Variants in DMBT1 observed in about 807,000 individuals in gnomAD.
DMBT1 encodes scavenger receptor cysteine-rich domain-containing protein DMBT1.
A neutral mutation model predicts 252.9 loss-of-function variants in DMBT1; 198 were observed. The ratio of observed to expected loss-of-function variants is 0.78; its 90% confidence interval spans 0.70 to 0.88. The LOEUF (loss-of-function observed/expected upper bound fraction) is 0.88, where lower values mean the gene tolerates loss of function less well. Among genes scored for constraint, DMBT1 ranks in the 40% least tolerant of loss-of-function variants. The pLI, the probability that DMBT1 is intolerant of heterozygous loss-of-function variation, is 0.00. For missense variants in DMBT1, 2,432 were observed against 2,404.7 expected, an observed-to-expected ratio of 1.01 and a Z score of -0.24; for synonymous variants, 990 against 942.7, an observed-to-expected ratio of 1.05 and a Z score of -0.92.
At position 122,633,289 on chromosome 10, in the gene DMBT1, G is replaced by A. The variant is rs757528594; in HGVS notation, c.6496G>A (p.Asp2166Asn). The A allele has an allele frequency of 5.0e-6, 8 of 1,613,948 alleles. No individual in the cohort carries two copies. The East Asian group carries it at 1.6e-4, about 31-fold the overall frequency. Reference protein sequence around the residue: ...NYPNNAKCVWDIEVQNNYRVT... With the variant: ...NYPNNAKCVWNIEVQNNYRVT... Reference sequence around the variant, plus strand: ...TCCAAACAATGCCAAGTGTGTGTGGGACATTGAGGTGCAAAACAACTACCG... The same window carrying A: ...TCCAAACAATGCCAAGTGTGTGTGGAACATTGAGGTGCAAAACAACTACCG... The change falls in exon 52 of 56, where the codon GAC (aspartate) becomes AAC (asparagine). Residue 2166 changes from aspartate (D) to asparagine (N), a missense_variant. By Grantham distance (23) the Asp-to-Asn change is conservative. Around this residue, in one of 3 missense-constraint regions of DMBT1, gnomAD observed 1,162 missense variants for 1,169.0 expected, o/e 0.99. Transcript: ENST00000338354.
chr10:122,565,938 T>C (rs754576410), intron 1 of DMBT1, 29 bp from the exon 2 acceptor site: 2 of 1,612,594 alleles, frequency 1.2e-6, no homozygotes, highest in African/African-American at 1.3e-5. Context: ...CTAAACAGTG[T>C]TTCTAAGACG....
rs370834586 is a variant in DMBT1 at position 122,592,596 on chromosome 10, G to C, written c.2500+1G>C. ...GAAGATGCTGGTGTCATCTGCTCAGGTGGGCCTCCAAGACCTTGGGCTCCC... is the reference window on the plus strand; with the variant it reads ...GAAGATGCTGGTGTCATCTGCTCAGCTGGGCCTCCAAGACCTTGGGCTCCC... On this transcript the variant is annotated splice_donor_variant, in intron 20 of 55. Transcript: ENST00000338354. LOFTEE classifies it high-confidence loss of function. 114 of 1,588,490 alleles carry C rather than the reference G, an allele frequency of 7.2e-5. 6 individuals carry two copies. The African/African-American group carries it at 9.1e-4, about 13-fold the overall frequency.
intron 2 of DMBT1, among the ~76,000 whole-genome samples, chr10:122,568,109 G>A (rs1451624798): frequency 6.6e-6 from 1 of 152,182 alleles, no homozygotes; most frequent in Non-Finnish European, 1.5e-5. Flanking sequence ...ATGGCAGTGG[G>A]AACGACACGG....
At chr10:122,638,518 A>C (rs1843902179) in intron 54 of DMBT1, among the ~76,000 whole-genome samples, 1 of 152,198 alleles carries the variant, frequency 6.6e-6, no homozygotes, top group African/African-American at 2.4e-5. Context: ...CATAGCTCAC[A>C]GCAGACTTGA....
In DMBT1 at chr10:122,588,841, C is replaced by G. The variant is rs745864588; in HGVS notation, c.1784-103C>G. 11 of 1,549,702 alleles carry G rather than the reference C, an allele frequency of 7.1e-6. 1 individual carries two copies. Among genetic ancestry groups the G allele is most frequent in the Admixed American group, 5.1e-5 (3 of 58,412 alleles). ...GTCATCTTTAATCGTGACTGCCTGC[C>G]CAGGTGACTTTGGCCATTAGGAAGT... is the stretch of plus-strand genomic sequence containing the variant. On this transcript the variant is annotated intron_variant, in intron 16 of 55. Transcript: ENST00000338354.
At position 122,586,215 on chromosome 10, in the gene DMBT1, T is replaced by C. The variant is rs2097788016; in HGVS notation, c.1615T>C (p.Trp539Arg). ...NVVCRQLGCG[W>R]AMLAPGNARF... Reference sequence around the variant, plus strand: ...GGTCTGCAGGCAGCTGGGCTGTGGCTGGGCCATGTTGGCCCCAGGAAATGC... The same window carrying C: ...GGTCTGCAGGCAGCTGGGCTGTGGCCGGGCCATGTTGGCCCCAGGAAATGC... Residue 539 changes from tryptophan (W) to arginine (R), a missense_variant, in exon 16 of 56, where the codon TGG (tryptophan) becomes CGG (arginine). Physicochemically the swap from Trp to Arg is moderately radical, Grantham distance 101. Around this residue, in one of 3 missense-constraint regions of DMBT1, gnomAD observed 1,264 missense variants for 1,082.2 expected, o/e 1.17. Coordinates refer to ENST00000338354, the MANE Select transcript of DMBT1 (RefSeq NM_001377530.1). The C allele has an allele frequency of 4.4e-6, 7 of 1,588,960 alleles. No individual in the cohort carries two copies. The highest frequency in any genetic ancestry group is 1.7e-4 in the Middle Eastern group (1 of 6,034).
intron 2 of DMBT1, among the ~76,000 whole-genome samples, chr10:122,568,853 G>A (rs1393779796): frequency 1.3e-5 from 2 of 152,230 alleles, no homozygotes; most frequent in Non-Finnish European, 2.9e-5. Context: ...CCCCACAGCG[G>A]ATGGTACAAC....
chr10:122,623,864 A>T (rs1310382818), intron 44 of DMBT1, among the ~76,000 whole-genome samples: 1 of 152,208 alleles, frequency 6.6e-6, no homozygotes, highest in Admixed American at 6.5e-5. Context: ...TCCTTCATGG[A>T]GGCCTAACTC....
intron 45 of DMBT1, among the ~76,000 whole-genome samples, 163 bp from the exon 46 acceptor site, chr10:122,625,770 A>G (rs1462145175): frequency 6.6e-6 from 1 of 152,246 alleles, no homozygotes; most frequent in Admixed American, 6.5e-5. Flanking sequence ...GAGGTGCTAC[A>G]TACTCTAGAC....
chr10:122,592,843 GA>G (rs1282263337), intron 20 of DMBT1, among the ~76,000 whole-genome samples: 1 of 148,618 alleles, frequency 6.7e-6, no homozygotes, highest in African/African-American at 2.4e-5. Context: ...GGCAGTGCAA[GA>G]AAGAGGCCGA....
In DMBT1 at chr10:122,633,357, G is replaced by A. The variant is rs764467808; in HGVS notation, c.6548+16G>A. ...GAGATGTCCAGTAAGTGTGCGCCCA[G>A]AAGAATGCCTTGGGGCCCCACAGAC... On this transcript the variant is annotated intron_variant, in intron 52 of 55. Transcript: ENST00000338354. 1 of 1,613,408 alleles carries A rather than the reference G, an allele frequency of 6.2e-7. No homozygotes were observed. Among genetic ancestry groups the A allele is most frequent in the South Asian group, 1.1e-5 (1 of 90,936 alleles).
intron 18 of DMBT1, among the ~76,000 whole-genome samples, chr10:122,591,009 C>T (rs1198942523): frequency 6.7e-6 from 1 of 148,546 alleles, no homozygotes; most frequent in Non-Finnish European, 1.5e-5. Context: ...CTTCAGACAC[C>T]CCCAGATGCG....
intron 8 of DMBT1, among the ~76,000 whole-genome samples, 196 bp downstream of exon 8, chr10:122,578,036 A>G (rs1486629470): frequency 6.6e-6 from 1 of 152,174 alleles, no homozygotes. Flanking sequence ...TCTTCAGTCC[A>G]TCTCAGCTTT....
rs371657693 is a variant in DMBT1 at position 122,619,307 on chromosome 10, G to T, written c.5216-1G>T. The T allele has an allele frequency of 4.1e-5, 66 of 1,613,786 alleles. No individual in the cohort carries two copies. The highest frequency in any genetic ancestry group is 5.6e-5 in the Non-Finnish European group (66 of 1,179,876). On this transcript the variant is annotated splice_acceptor_variant, in intron 41 of 55. Coordinates refer to ENST00000338354, the MANE Select transcript of DMBT1 (RefSeq NM_001377530.1). LOFTEE classifies it high-confidence loss of function. The stretch of plus-strand genomic sequence containing the variant: ...CTGACCTTCTCTTCTCTTTCTCACA[G>T]CTGCTCAGTCCCAGTCAACGCCCAG...
chr10:122,622,730 T>C lies in DMBT1; in HGVS notation c.5608+1350T>C, dbSNP rs371653556. Among the ~76,000 whole-genome samples, 6 of 152,324 alleles carry C rather than the reference T, an allele frequency of 3.9e-5. No individual in the cohort carries two copies. In the East Asian group the frequency reaches 9.6e-4, roughly 24 times the overall value. On this transcript the variant is annotated intron_variant, in intron 44 of 55. Coordinates refer to ENST00000338354, the MANE Select transcript of DMBT1 (RefSeq NM_001377530.1). ...GCTCAGCCAGAGTTCTATACCCATC[T>C]TTGTGTTCCTTTGGGGCGACGGGAA...
intron 41 of DMBT1, among the ~76,000 whole-genome samples, chr10:122,619,086 C>T (rs57098366): frequency 0.039 from 5,965 of 152,256 alleles, 163 homozygotes; most frequent in South Asian, 0.084. Flanking sequence ...CCTGGGCAGA[C>T]ACAAAGTTAC....
intron 3 of DMBT1, 86 bp downstream of exon 3, chr10:122,570,295 C>T: frequency 8.9e-7 from 1 of 1,120,120 alleles, no homozygotes; most frequent in Admixed American, 1.7e-5. Context: ...GATGCAGAAG[C>T]CATACTTCTA....
In DMBT1 at chr10:122,631,071, A is replaced by G. The variant is rs377293429; in HGVS notation, c.6136A>G (p.Ile2046Val). 2.5e-5 allele frequency: 40 copies of G among 1,613,896 alleles called. No individual in the cohort carries two copies. The Admixed American group carries it at 3.8e-4, about 15-fold the overall frequency. The part of the protein sequence containing the change: ...WGTVCDDSWT[I>V]QEAEVVCRQL... The stretch of plus-strand genomic sequence containing the variant: ...GACAGTTTGTGATGACTCCTGGACC[A>G]TTCAGGAAGCTGAGGTGGTCTGCAG... The change falls in exon 49 of 56, where the codon ATT (isoleucine) becomes GTT (valine). Residue 2046 changes from isoleucine (I) to valine (V), a missense_variant. Ile to Val is a conservative substitution (Grantham distance 29, BLOSUM62 3). Around this residue, in one of 3 missense-constraint regions of DMBT1, gnomAD observed 1,162 missense variants for 1,169.0 expected, o/e 0.99. Coordinates refer to ENST00000338354, the MANE Select transcript of DMBT1 (RefSeq NM_001377530.1).
At chr10:122,592,945 T>C (rs2097861537) in intron 20 of DMBT1, among the ~76,000 whole-genome samples, 2 of 148,310 alleles carry the variant, frequency 1.3e-5, no homozygotes, top group African/African-American at 2.4e-5. Context: ...GACAGCAAGG[T>C]AGGGGAGGAA....
Sources: allele counts gnomAD v4.1 joint callset (sites outside exome capture counted in the v4.1 genomes callset), GRCh38; gene constraint gnomAD v4.1.1; regional missense constraint gnomAD v4.1.1; transcripts MANE v1.5; gene names NCBI Gene and HGNC (gene_info 2026-07-23, HGNC 2026-07-21).